Variants in PCDH1 observed in about 807,000 individuals in gnomAD.
PCDH1 encodes the protein protocadherin 1.
PCDH1 carries 23 observed loss-of-function variants against 74.6 expected under a neutral mutation model. That is an observed-to-expected ratio of 0.31 (90% confidence interval 0.22 to 0.44). PCDH1 has a LOEUF of 0.44. Among genes scored for constraint, PCDH1 ranks in the 20% least tolerant of loss-of-function variants. PCDH1 has a pLI of 1.00. For missense variants in PCDH1, 1,214 were observed against 1,641.4 expected (o/e 0.74, Z 4.50); for synonymous variants, 647 against 686.1 (o/e 0.94, Z 0.89).
In PCDH1 at chr5:141,854,211, G is replaced by A. The variant is rs774538904; in HGVS notation, c.3545C>T (p.Thr1182Met). The A allele has an allele frequency of 1.7e-5, 27 of 1,610,924 alleles. 1 individual carries two copies. In the Middle Eastern group the frequency reaches 5.0e-4, roughly 30 times the overall value. ...GGAGGGCAGGAGGCGCACGGGGGCC[G>A]TTTTGGTGTTCCGGTCTTCCGGGGG... The part of the protein sequence containing the change: ...PSPPEDRNTK[T>M]APVRLLPSYS... Residue 1182 changes from threonine (T) to methionine (M), a missense_variant, in exon 5 of 5, where the codon ACG becomes ATG. By Grantham distance (81) the Thr-to-Met change is moderately conservative (BLOSUM62 -1). Around this residue, in one of 4 missense-constraint regions of PCDH1, gnomAD observed 194 missense variants for 198.3 expected, o/e 0.98. Transcript: ENST00000287008.
Position 141,853,938 on chromosome 5 carries a change from G to T in PCDH1, c.*104C>A. On this transcript the variant is annotated 3_prime_UTR_variant, in exon 5 of 5. Transcript: ENST00000287008. ...AGTGATACCCCCACTTGGGGCCCTG[G>T]CCAGGAAGTCCACGCTGAAGGGGTG... The T allele has an allele frequency of 9.2e-7, 1 of 1,086,656 alleles. No homozygotes were observed. Among genetic ancestry groups the T allele is most frequent in the South Asian group, 2.0e-5 (1 of 50,258 alleles). The allele number at this position is 1,086,656 out of a possible 1,614,324, so 67.3% of individuals were successfully genotyped here.
chr5:141,871,855 T>C (rs779988886), intron 1 of PCDH1, among the ~76,000 whole-genome samples: 1 of 152,200 alleles, frequency 6.6e-6, no homozygotes, highest in African/African-American at 2.4e-5. Flanking sequence ...ACTGCTCTTT[T>C]ACTTGCTCAC....
Position 141,869,323 on chromosome 5 carries a change from A to G in PCDH1, c.149T>C (p.Leu50Pro), listed in dbSNP as rs967649120. 1.0e-5 allele frequency: 16 copies of G among 1,598,552 alleles called. No individual in the cohort carries two copies. The highest frequency in any genetic ancestry group is 1.3e-5 in the Non-Finnish European group (15 of 1,173,450). ...AGTGGCGTGGCCTGGGGATGGAGCC[A>G]GCAGGAGCAGCAGTGCTAGCAGCAT... ...PSMLLALLLL[L>P]APSPGHATRV... Residue 50 changes from leucine to proline, a missense_variant, in exon 2 of 5, where the codon CTG (leucine) becomes CCG (proline). By Grantham distance (98) the Leu-to-Pro change is moderately conservative (BLOSUM62 -3). Around this residue, in one of 4 missense-constraint regions of PCDH1, gnomAD observed 87 missense variants for 87.7 expected, o/e 0.99. Transcript: ENST00000287008. The surrounding 1 kb of genome is among the most constrained non-coding windows in gnomAD (Gnocchi z 4.9).
At chr5:141,871,382 T>G (rs1348507595) in intron 1 of PCDH1, among the ~76,000 whole-genome samples, 1 of 152,242 alleles carries the variant, frequency 6.6e-6, no homozygotes, top group African/African-American at 2.4e-5. Flanking sequence ...CCATTTTGTT[T>G]GGTTGCTTCT....
At chr5:141,859,067 C>T (rs1436618758) in intron 3 of PCDH1, among the ~76,000 whole-genome samples, 1 of 152,076 alleles carries the variant, frequency 6.6e-6, no homozygotes, top group Non-Finnish European at 1.5e-5. Flanking sequence ...ATCTAAAACA[C>T]TGAAGGGTCT....
chr5:141,862,255 C>T (rs551734706), intron 3 of PCDH1, among the ~76,000 whole-genome samples: 2 of 152,310 alleles, frequency 1.3e-5, no homozygotes, highest in East Asian at 3.9e-4. Flanking sequence ...ATGCTACTCC[C>T]TACCAGGTGC....
chr5:141,855,667 G>A (rs973850310), intron 4 of PCDH1, among the ~76,000 whole-genome samples: 9 of 151,828 alleles, frequency 5.9e-5, no homozygotes, highest in African/African-American at 2.2e-4. Flanking sequence ...GGGAAGGGAC[G>A]AGCTTCTGTG....
At position 141,863,567 on chromosome 5, in the gene PCDH1, CGGGCTTTGG is replaced by C. The variant is rs762948053; in HGVS notation, c.2755_2763del (p.Pro919_Pro921del). 1.2e-6 allele frequency: 2 copies of C among 1,614,170 alleles called. No individual in the cohort carries two copies. Among genetic ancestry groups the C allele is most frequent in the East Asian group, 4.5e-5 (2 of 44,878 alleles). Reference sequence around the variant, plus strand: ...TCATCCTCGTCCTCCACTGGCTTCACGGGCTTTGGGGACTTGCTCTTCTTGCCTTTGCTT... The same window carrying C: ...TCATCCTCGTCCTCCACTGGCTTCACGGACTTGCTCTTCTTGCCTTTGCTT... On this transcript the variant is annotated inframe_deletion, in exon 3 of 5. Transcript: ENST00000287008. The surrounding 1 kb of genome is among the most constrained non-coding windows in gnomAD (Gnocchi z 7.5).
rs1231409476 is a variant in PCDH1, at chr5:141,878,173, C to T, written c.40+50G>A. 3 of 1,424,552 alleles carry T rather than the reference C, an allele frequency of 2.1e-6. No homozygotes were observed. The highest frequency in any genetic ancestry group is 2.8e-6 in the Non-Finnish European group (3 of 1,089,226). 88.2% of individuals were successfully genotyped at this position (1,424,552 alleles called of 1,614,324 possible). A position where few individuals can be genotyped will look rare whatever the true frequency, so the allele number is the denominator to read the frequency against. On this transcript the variant is annotated intron_variant, in intron 1 of 4. Coordinates refer to ENST00000287008, the MANE Select transcript of PCDH1 (RefSeq NM_032420.5). The surrounding 1 kb of genome is among the most constrained non-coding windows in gnomAD (Gnocchi z 5.5). ...CTCCCTCAGCTCCCGCCGGCCATGA[C>T]CGCTTCGGGCCCCAAGCCGCTGCTG...
chr5:141,865,122 G>A lies in PCDH1; in HGVS notation c.1209C>T (p.Asn403=), dbSNP rs1445884524. 1 of 1,614,180 alleles carries A rather than the reference G, an allele frequency of 6.2e-7. No homozygotes were observed. Among genetic ancestry groups the A allele is most frequent in the Non-Finnish European group, 8.5e-7 (1 of 1,180,034 alleles). The change falls in exon 3 of 5, where the codon AAC becomes AAT. Residue 403 remains asparagine (N), a synonymous_variant. Coordinates refer to ENST00000287008, the MANE Select transcript of PCDH1 (RefSeq NM_032420.5). This position sits in a 1 kb window ranked among gnomAD's most constrained non-coding sequence, Gnocchi z 4.4. ...TCTCCTCTGCCACATCCTCTGAGATGTTAGCCATCCCATCTTGATGAGTCA... is the reference window on the plus strand; with the variant it reads ...TCTCCTCTGCCACATCCTCTGAGATATTAGCCATCCCATCTTGATGAGTCA... The part of the protein sequence containing the change: ...GLVTHQDGMA[N]ISEDVAEETA...
intron 2 of PCDH1, among the ~76,000 whole-genome samples, chr5:141,867,046 C>T (rs1460879914): frequency 2.0e-5 from 3 of 152,236 alleles, no homozygotes; most frequent in Non-Finnish European, 4.4e-5. Context: ...CAAACCCTAA[C>T]AGTTTCTCCT....
intron 3 of PCDH1, among the ~76,000 whole-genome samples, chr5:141,860,654 A>AG (rs1191903717): frequency 6.6e-6 from 1 of 152,208 alleles, no homozygotes; most frequent in Non-Finnish European, 1.5e-5. Context: ...AATAGGTAAT[A>AG]GGAGACCCGC....
chr5:141,866,317 C>CTCTG, intron 2 of PCDH1: 1 of 799,848 alleles, frequency 1.3e-6, no homozygotes, highest in Non-Finnish European at 1.5e-6. Flanking sequence ...TGGCAGTGGG[C>CTCTG]TGGGCTCCCA....
At chr5:141,866,587 C>G (rs1209226792) in intron 2 of PCDH1, among the ~76,000 whole-genome samples, 1 of 152,102 alleles carries the variant, frequency 6.6e-6, no homozygotes, top group Non-Finnish European at 1.5e-5. Flanking sequence ...GGTAACAAAA[C>G]AGAAGAGTCC....
At position 141,878,253 on chromosome 5, in the gene PCDH1, C is replaced by G; in HGVS notation, c.10G>C (p.Gly4Arg). ...TCCGGGCAGCGCCGGCCGCCCGCCC[C>G]GCTGTCCATGAGCCGCCGCCGGCCC... is the stretch of plus-strand genomic sequence containing the variant. MDS[G>R]AGGRRCPEAA... Residue 4 changes from glycine (G) to arginine (R), a missense_variant, in exon 1 of 5, where the codon GGG becomes CGG. This residue lies in a region of PCDH1 where 87 missense variants were observed against 87.7 expected (regional missense o/e 0.99). Transcript: ENST00000287008. This position sits in a 1 kb window ranked among gnomAD's most constrained non-coding sequence, Gnocchi z 5.5. The G allele has an allele frequency of 3.7e-6, 5 of 1,362,274 alleles. No homozygotes were observed. The highest frequency in any genetic ancestry group is 3.2e-5 in the East Asian group (1 of 30,996). 84.4% of individuals were successfully genotyped at this position (1,362,274 alleles called of 1,614,324 possible).
At chr5:141,866,421 A>G (rs1228937377) in intron 2 of PCDH1, among the ~76,000 whole-genome samples, 1 of 152,174 alleles carries the variant, frequency 6.6e-6, no homozygotes, top group Non-Finnish European at 1.5e-5. Context: ...CTATACAAAC[A>G]TGGTTGGTAA....
Position 141,863,270 on chromosome 5 carries a change from T to C in PCDH1, c.3061A>G (p.Ser1021Gly). Residue 1021 changes from serine (S) to glycine (G), a missense_variant, in exon 3 of 5, where the codon AGC (serine) becomes GGC (glycine). Physicochemically the swap from Ser to Gly is moderately conservative, Grantham distance 56. Transcript: ENST00000287008. This position sits in a 1 kb window ranked among gnomAD's most constrained non-coding sequence, Gnocchi z 7.5. ...STGSEQYSDYSYRTNPPKYPS... is the reference protein window; with the variant it reads ...STGSEQYSDYGYRTNPPKYPS... ...TATTTGGGGGGGTTGGTGCGGTAGC[T>C]GTAGTCGGAGTACTGCTCAGAGCCC... 1 of 1,592,400 alleles carries C rather than the reference T, an allele frequency of 6.3e-7. No homozygotes were observed. The highest frequency in any genetic ancestry group is 8.6e-7 in the Non-Finnish European group (1 of 1,169,406).
chr5:141,872,200 G>A (rs993470247), intron 1 of PCDH1, among the ~76,000 whole-genome samples: 9 of 122,068 alleles, frequency 7.4e-5, no homozygotes, highest in Non-Finnish European at 1.3e-4. Context: ...CAAACACATC[G>A]TCAAAGGACC....
chr5:141,874,295 C>A (rs1753166588), intron 1 of PCDH1, among the ~76,000 whole-genome samples: 1 of 152,216 alleles, frequency 6.6e-6, no homozygotes, highest in African/African-American at 2.4e-5. Flanking sequence ...CCCGTGTTCC[C>A]ACCATCTCTG....
Sources: gnomAD v4.1 joint callset for allele counts (sites outside exome capture counted in the v4.1 genomes callset) on GRCh38, gnomAD v4.1.1 for gene constraint, gnomAD v4.1.1 regional missense constraint, Gnocchi (gnomAD v3.1) non-coding constraint, MANE v1.5 for transcripts, NCBI Gene and HGNC (gene_info 2026-07-23, HGNC 2026-07-21) for gene names.